The following TACC1 variants were observed in gnomAD, a reference collection of about 807,000 sequenced individuals.
The protein encoded by TACC1 is transforming acidic coiled-coil containing protein 1, also known as transforming acidic coiled-coil-containing protein 1.
Under a neutral mutation model 84.4 loss-of-function variants are expected in TACC1, and 48 were observed. The ratio of observed to expected loss-of-function variants is 0.57; its 90% CI spans 0.45 to 0.72. TACC1 has a LOEUF of 0.72. Ranked by LOEUF, TACC1 falls within the 30% of genes least tolerant of loss-of-function variation. The pLI, the probability that TACC1 is intolerant of heterozygous loss-of-function variation, is 0.00. For missense variants in TACC1, 920 were observed against 973.0 expected (o/e 0.95, Z 0.72); for synonymous variants, 372 against 376.3 (o/e 0.99, Z 0.13).
At chr8:38,813,516 T>G (rs1824726159) in intron 2 of TACC1, among the ~76,000 whole-genome samples, 1 of 152,204 alleles carries the variant, frequency 6.6e-6, no homozygotes, top group Non-Finnish European at 1.5e-5. Flanking sequence ...CATTGATGTT[T>G]CTGTTTATCT....
chr8:38,757,280 G>A, intron 3 of TACC1: 1 of 1,230,564 alleles, frequency 8.1e-7, no homozygotes, highest in Non-Finnish European at 1.0e-6. Context: ...TCTGGGCACA[G>A]CCGCCCGCCG....
intron 3 of TACC1, among the ~76,000 whole-genome samples, chr8:38,777,252 T>C (rs1365482579): frequency 1.5e-5 from 2 of 135,348 alleles, no homozygotes; most frequent in African/African-American, 2.7e-5. Context: ...TGAGACTCCA[T>C]CTCAAAAAAA....
intron 3 of TACC1, among the ~76,000 whole-genome samples, chr8:38,756,901 G>A (rs1032697696): frequency 3.3e-5 from 5 of 152,316 alleles, no homozygotes; most frequent in Admixed American, 3.3e-4. Context: ...AGCTCCCGGG[G>A]CCTCTTCCCG....
At chr8:38,776,458 G>C (rs1305461886) in intron 3 of TACC1, among the ~76,000 whole-genome samples, 1 of 152,172 alleles carries the variant, frequency 6.6e-6, no homozygotes, top group Non-Finnish European at 1.5e-5. Context: ...GACCAGAAGT[G>C]TTTCAGATTT....
Position 38,840,279 on chromosome 8 carries a change from A to AT in TACC1, c.1960+16dup. ...TGCTCAAATGATTGGTAAGGAGAAC[A>AT]TTTTGTTTTTTGAGGGTATGAGCCA... On this transcript the variant is annotated intron_variant, in intron 9 of 12. Transcript: ENST00000317827. 1 of 1,612,318 alleles carries AT rather than the reference A, an allele frequency of 6.2e-7. No homozygotes were observed. Among genetic ancestry groups the AT allele is most frequent in the Non-Finnish European group, 8.5e-7 (1 of 1,178,596 alleles).
intron 2 of TACC1, among the ~76,000 whole-genome samples, chr8:38,818,869 C>T (rs912824966): frequency 2.0e-5 from 3 of 151,790 alleles, no homozygotes; most frequent in African/African-American, 7.3e-5. Flanking sequence ...CCTCCATCTC[C>T]CGGGTTCAAG....
Position 38,755,707 on chromosome 8 carries a change from AAACAACAAC to A in TACC1, c.26+10252_26+10260del, listed in dbSNP as rs71216684. 8.3e-3 allele frequency among the ~76,000 whole-genome samples: 1,172 copies of A among 140,906 alleles called. 9 individuals carry two copies. The highest frequency in any genetic ancestry group is 0.011 in the East Asian group (56 of 5,010). The allele number at this position is 140,906 out of a possible 152,430, so 92.4% of individuals were successfully genotyped here. A position where few individuals can be genotyped will look rare whatever the true frequency, so the allele number is the denominator to read the frequency against. ...CAACAGAAAGAGACACGGTCTTTCA[AAACAACAAC>A]AACAACAACAACAACAACAACAACA... On this transcript the variant is annotated intron_variant, in intron 3 of 14. Transcript: ENST00000518415.
At chr8:38,785,611 C>A, upstream of TACC1, 1 of 792,074 alleles carries the variant, frequency 1.3e-6, no homozygotes, top group Non-Finnish European at 1.5e-6. Context: ...GAGAACTATT[C>A]AGGAGGAAGA....
chr8:38,738,481 CTT>C (rs1806414086), intron 1 of TACC1, among the ~76,000 whole-genome samples: 1 of 152,104 alleles, frequency 6.6e-6, no homozygotes, highest in Non-Finnish European at 1.5e-5. Context: ...TAATCACTAA[CTT>C]ATATTTGTAG....
intron 3 of TACC1, among the ~76,000 whole-genome samples, chr8:38,769,467 G>A (rs1288685183): frequency 6.7e-6 from 1 of 149,370 alleles, no homozygotes; most frequent in African/African-American, 2.5e-5. Context: ...TGTGGTGTGT[G>A]TGTGTGAGAC....
chr8:38,730,242 G>A (rs1804655161), intron 1 of TACC1, among the ~76,000 whole-genome samples: 1 of 152,232 alleles, frequency 6.6e-6, no homozygotes. Context: ...GGAACCCGCT[G>A]GAGGTGGGAG....
At chr8:38,753,670 C>T (rs113503116) in intron 3 of TACC1, among the ~76,000 whole-genome samples, 25 of 152,326 alleles carry the variant, frequency 1.6e-4, no homozygotes, top group African/African-American at 5.5e-4. Context: ...GACAACACTT[C>T]CCTTCACTGT....
upstream of TACC1, among the ~76,000 whole-genome samples, chr8:38,784,773 A>G (rs1816792238): frequency 6.6e-6 from 1 of 152,124 alleles, no homozygotes; most frequent in African/African-American, 2.4e-5. Context: ...TATATTGAAC[A>G]CCTACTGAGT....
upstream of TACC1, among the ~76,000 whole-genome samples, chr8:38,785,120 G>A (rs925703334): frequency 4.0e-5 from 6 of 150,620 alleles, no homozygotes; most frequent in Non-Finnish European, 1.5e-5. Flanking sequence ...GCTGAAGCCT[G>A]GGAACTTGGG....
chr8:38,757,311 C>G (rs960444818), intron 3 of TACC1: 1 of 1,265,986 alleles, frequency 7.9e-7, no homozygotes, highest in Non-Finnish European at 1.0e-6. Context: ...GAGGGTGCAG[C>G]CCCGGCCCCA....
Position 38,851,800 on chromosome 8 carries a change from T to C in TACC1, c.*3777T>C, listed in dbSNP as rs1833125314. On this transcript the variant is annotated 3_prime_UTR_variant, in exon 13 of 13. Coordinates refer to ENST00000317827, the MANE Select transcript of TACC1 (RefSeq NM_006283.3). ...TATTTATTCTGAAGAATCTAAAAGA[T>C]AACAGATTATTTGCTTATGAAAGAA... 1 of 380,554 alleles carries C rather than the reference T, an allele frequency of 2.6e-6. No individual in the cohort carries two copies. The highest frequency in any genetic ancestry group is 1.9e-5 in the South Asian group (1 of 52,652). 23.6% of individuals were successfully genotyped at this position (380,554 alleles called of 1,614,324 possible).
chr8:38,771,251 C>T (rs1309715150), intron 3 of TACC1, among the ~76,000 whole-genome samples: 1 of 152,038 alleles, frequency 6.6e-6, no homozygotes, highest in Non-Finnish European at 1.5e-5. Flanking sequence ...GGGGATGGAG[C>T]CAGGATCTCC....
chr8:38,809,276 A>G (rs1358934464), intron 2 of TACC1, among the ~76,000 whole-genome samples: 3 of 152,150 alleles, frequency 2.0e-5, no homozygotes, highest in African/African-American at 7.2e-5. Flanking sequence ...GGGTGAAGCC[A>G]TCTCATACAG....
chr8:38,741,038 C>T (rs1055675580), intron 1 of TACC1, among the ~76,000 whole-genome samples: 1 of 152,102 alleles, frequency 6.6e-6, no homozygotes, highest in Non-Finnish European at 1.5e-5. Context: ...TTTTATTTTA[C>T]TTTGTCTGTC....
Sources: allele counts gnomAD v4.1 joint callset (sites outside exome capture counted in the v4.1 genomes callset), GRCh38; gene constraint gnomAD v4.1.1; transcripts MANE v1.5; gene names NCBI Gene and HGNC (gene_info 2026-07-23, HGNC 2026-07-21).